The following LDLRAD4 variants were observed in gnomAD, a reference collection of about 807,000 sequenced individuals.
LDLRAD4 encodes the protein low-density lipoprotein receptor class A domain-containing protein 4.
In LDLRAD4, 5 loss-of-function variants were observed where a neutral mutation model predicts 17.0. The ratio of observed to expected loss-of-function variants is 0.29; its 90% CI spans 0.15 to 0.62. LDLRAD4 has a LOEUF of 0.62. LDLRAD4 is among the 20% of genes least tolerant of loss of function. LDLRAD4 has a pLI of 0.84. For missense variants in LDLRAD4, 340 were observed against 424.7 expected, an observed-to-expected ratio of 0.80 and a Z score of 1.75; for synonymous variants, 168 against 171.8, an observed-to-expected ratio of 0.98 and a Z score of 0.17.
intron 3 of LDLRAD4, among the ~76,000 whole-genome samples, chr18:13,479,087 A>C (rs771878812): frequency 6.6e-5 from 10 of 152,254 alleles, no homozygotes; most frequent in Non-Finnish European, 1.3e-4. Context: ...CAAAAAATTG[A>C]ATCTAAACAT....
At chr18:13,374,260 C>T (rs965348361) in intron 1 of LDLRAD4, among the ~76,000 whole-genome samples, 4 of 152,182 alleles carry the variant, frequency 2.6e-5, no homozygotes, top group Non-Finnish European at 4.4e-5. Context: ...GAGGCCGGAG[C>T]CCTCTCAGCC....
At chr18:13,439,449 T>G (rs1001912814) in intron 3 of LDLRAD4, among the ~76,000 whole-genome samples, 1 of 152,232 alleles carries the variant, frequency 6.6e-6, no homozygotes, top group African/African-American at 2.4e-5. Context: ...TTTTCTCAAG[T>G]TTTTCTATTG....
chr18:13,455,557 G>C (rs2092086733), intron 3 of LDLRAD4, among the ~76,000 whole-genome samples: 1 of 152,146 alleles, frequency 6.6e-6, no homozygotes, highest in Non-Finnish European at 1.5e-5. Context: ...TCCCCCCACA[G>C]CCTGGACGGC....
upstream of LDLRAD4, among the ~76,000 whole-genome samples, chr18:13,273,491 G>A (rs750603651): frequency 2.2e-4 from 33 of 152,078 alleles, no homozygotes; most frequent in Admixed American, 7.2e-4. Flanking sequence ...ATAGAGACAG[G>A]ATCTTGCTAT....
chr18:13,565,581 G>A (rs996130988), intron 3 of LDLRAD4, among the ~76,000 whole-genome samples: 8 of 152,232 alleles, frequency 5.3e-5, no homozygotes, highest in Admixed American at 3.3e-4. Flanking sequence ...GCTGTGGAAC[G>A]AGCCAGCCCA....
chr18:13,547,758 C>T (rs997027039), intron 3 of LDLRAD4, among the ~76,000 whole-genome samples: 4 of 152,194 alleles, frequency 2.6e-5, no homozygotes, highest in African/African-American at 9.7e-5. Flanking sequence ...TGCAGAGCCC[C>T]AAAGAGGGTG....
intron 1 of LDLRAD4, among the ~76,000 whole-genome samples, chr18:13,272,684 C>T (rs1489346986): frequency 1.3e-5 from 2 of 152,220 alleles, no homozygotes; most frequent in Non-Finnish European, 2.9e-5. Context: ...TAGGCTGCTG[C>T]GGGGACAGAG....
At chr18:13,420,711 A>C (rs1160242202) in intron 2 of LDLRAD4, 2 of 152,310 alleles carry the variant, frequency 1.3e-5, no homozygotes, top group Non-Finnish European at 2.9e-5. Flanking sequence ...GCCCAAGTGC[A>C]GACCTTCCAT....
intron 3 of LDLRAD4, among the ~76,000 whole-genome samples, chr18:13,570,173 C>G (rs1366102831): frequency 1.3e-5 from 2 of 152,188 alleles, no homozygotes; most frequent in African/African-American, 4.8e-5. Context: ...CACTTGCTCC[C>G]TAACACTTGT....
chr18:13,303,650 A>G (rs923095548), intron 1 of LDLRAD4, among the ~76,000 whole-genome samples: 107 of 152,282 alleles, frequency 7.0e-4, no homozygotes, highest in Non-Finnish European at 2.4e-4. Context: ...CCTTTTGATG[A>G]AAGAAAAAGG....
intron 3 of LDLRAD4, among the ~76,000 whole-genome samples, chr18:13,574,882 A>T (rs1325663605): frequency 1.3e-5 from 2 of 152,136 alleles, no homozygotes; most frequent in Non-Finnish European, 2.9e-5. Flanking sequence ...TCTATCTGGG[A>T]CACCCCTCCC....
chr18:13,384,951 G>A (rs911997787), intron 1 of LDLRAD4, among the ~76,000 whole-genome samples: 4 of 152,242 alleles, frequency 2.6e-5, no homozygotes, highest in South Asian at 2.1e-4. Flanking sequence ...GAACACGGGA[G>A]TGTAGATATA....
chr18:13,395,395 C>T (rs1004625591), intron 2 of LDLRAD4, among the ~76,000 whole-genome samples: 3 of 119,384 alleles, frequency 2.5e-5, no homozygotes, highest in African/African-American at 3.5e-5. Context: ...AGTGTCATCA[C>T]GATCTGCACA....
chr18:13,442,689 C>A (rs575018182), intron 3 of LDLRAD4, among the ~76,000 whole-genome samples: 1 of 152,350 alleles, frequency 6.6e-6, no homozygotes, highest in African/African-American at 2.4e-5. Context: ...CCAAGCACGT[C>A]CTGTGGTGCT....
At chr18:13,234,549 G>A (rs181135592) in intron 1 of LDLRAD4, among the ~76,000 whole-genome samples, 4 of 151,618 alleles carry the variant, frequency 2.6e-5, no homozygotes, top group Non-Finnish European at 1.5e-5. Context: ...CGTAGGCCTG[G>A]ATGGGGCTCT....
intron 1 of LDLRAD4, among the ~76,000 whole-genome samples, chr18:13,377,441 C>T (rs967655873): frequency 6.6e-6 from 1 of 152,290 alleles, no homozygotes; most frequent in Middle Eastern, 3.4e-3. Flanking sequence ...TAGATGAGTG[C>T]CCGTGCCTTC....
At chr18:13,305,282 A>G (rs1322709380) in intron 1 of LDLRAD4, among the ~76,000 whole-genome samples, 1 of 152,230 alleles carries the variant, frequency 6.6e-6, no homozygotes, top group Non-Finnish European at 1.5e-5. Flanking sequence ...GAGAAATGTA[A>G]CGCAAACACA....
In LDLRAD4 at chr18:13,367,256, T is replaced by C. The variant is rs566775858; in HGVS notation, c.-382-20085T>C. ...CTTTGAAATAAACTCCTCAGATGAT[T>C]TTGGTTCACACAGAGTCAGAACCGC... On this transcript the variant is annotated intron_variant, in intron 1 of 5. Coordinates refer to ENST00000359446, the Ensembl canonical transcript of LDLRAD4. The surrounding 1 kb of genome is among the most constrained non-coding windows in gnomAD (Gnocchi z 4.1). Among the ~76,000 whole-genome samples, 1 of 152,248 alleles carries C rather than the reference T, an allele frequency of 6.6e-6. No homozygotes were observed. Among genetic ancestry groups the C allele is most frequent in the South Asian group, 2.1e-4 (1 of 4,822 alleles).
At chr18:13,340,563 T>C (rs1262191914) in intron 1 of LDLRAD4, among the ~76,000 whole-genome samples, 1 of 152,180 alleles carries the variant, frequency 6.6e-6, no homozygotes, top group East Asian at 1.9e-4. Context: ...TCAAGTCCTT[T>C]GCTGGTATTT....
Sources: gnomAD v4.1 joint callset for allele counts (sites outside exome capture counted in the v4.1 genomes callset) on GRCh38, gnomAD v4.1.1 for gene constraint, Gnocchi (gnomAD v3.1) non-coding constraint, MANE v1.5 for transcripts, NCBI Gene and HGNC (gene_info 2026-07-23, HGNC 2026-07-21) for gene names.